The following ELK3 variants were observed in gnomAD, a reference collection of about 807,000 sequenced individuals.
ELK3 encodes ETS transcription factor ELK3, also known as ETS domain-containing protein Elk-3.
A neutral mutation model predicts 28.9 loss-of-function variants in ELK3; 10 were observed. The ratio of observed to expected loss-of-function variants is 0.35; its 90% CI spans 0.21 to 0.59. ELK3 has a LOEUF of 0.59. Ranked by LOEUF, ELK3 falls within the 20% of genes least tolerant of loss-of-function variation. The pLI is 0.82. For missense variants in ELK3, 463 were observed against 517.3 expected, an observed-to-expected ratio of 0.90 and a Z score of 1.02; for synonymous variants, 272 against 243.5, an observed-to-expected ratio of 1.12 and a Z score of -1.09.
At chr12:96,232,822 G>T (rs749391276) in intron 2 of ELK3, among the ~76,000 whole-genome samples, 21 of 151,622 alleles carry the variant, frequency 1.4e-4, no homozygotes, top group Non-Finnish European at 2.4e-4. Context: ...CAAAAAATTA[G>T]CTGGGCATGG....
intron 2 of ELK3, among the ~76,000 whole-genome samples, chr12:96,232,597 T>TA (rs1238402609): frequency 8.8e-5 from 7 of 79,802 alleles, no homozygotes; most frequent in East Asian, 3.2e-4. Context: ...AAAAATACAT[T>TA]AAAAAAAAAG....
chr12:96,210,559 G>GCACACACACACACA (rs199706864), intron 1 of ELK3, among the ~76,000 whole-genome samples: 19 of 143,158 alleles, frequency 1.3e-4, no homozygotes, highest in Admixed American at 2.7e-4. Context: ...CTGCGCGCGG[G>GCACACACACACACA]CGCACGCACA....
intron 2 of ELK3, among the ~76,000 whole-genome samples, chr12:96,235,396 C>T (rs1044000343): frequency 2.6e-5 from 4 of 152,074 alleles, no homozygotes; most frequent in African/African-American, 4.8e-5. Flanking sequence ...GTCTCCCTTA[C>T]GGGGCCGCAT....
chr12:96,243,437 A>G (rs991298324), intron 2 of ELK3, among the ~76,000 whole-genome samples: 23 of 152,216 alleles, frequency 1.5e-4, no homozygotes, highest in African/African-American at 5.3e-4. Context: ...ATCATAGAAT[A>G]GAATATTCTA....
intron 3 of ELK3, among the ~76,000 whole-genome samples, chr12:96,253,001 C>T (rs539155291): frequency 3.9e-5 from 6 of 152,244 alleles, no homozygotes; most frequent in Non-Finnish European, 7.3e-5. Flanking sequence ...TGGCTCACGC[C>T]TGTAATCGCA....
intron 4 of ELK3, among the ~76,000 whole-genome samples, chr12:96,265,522 C>CCAAA (rs903924798): frequency 1.8e-4 from 28 of 152,110 alleles, no homozygotes; most frequent in African/African-American, 6.5e-4. Flanking sequence ...CTCGTATTTA[C>CCAAA]CAAACATACA....
In ELK3 at chr12:96,194,570, A is replaced by C. The variant is rs1951447476; in HGVS notation, c.-138A>C. 6.7e-6 allele frequency: 1 copy of C among 149,728 alleles called. No homozygotes were observed. Among genetic ancestry groups the C allele is most frequent in the African/African-American group, 2.4e-5 (1 of 41,036 alleles). The allele number at this position is 149,728 out of a possible 1,614,324, so 9.3% of individuals were successfully genotyped here. A position where few individuals can be genotyped will look rare whatever the true frequency, so the allele number is the denominator to read the frequency against. ...AAAAAAAAAGAGGAGCGAGAGAAAGAAAAAAAGGGGGAAAAATCAGGATCT... is the reference window on the plus strand; with the variant it reads ...AAAAAAAAAGAGGAGCGAGAGAAAGCAAAAAAGGGGGAAAAATCAGGATCT... On this transcript the variant is annotated 5_prime_UTR_variant, in exon 1 of 5. Coordinates refer to ENST00000228741, the MANE Select transcript of ELK3 (RefSeq NM_005230.4).
chr12:96,206,904 G>A (rs1232090828), intron 1 of ELK3, among the ~76,000 whole-genome samples: 1 of 152,174 alleles, frequency 6.6e-6, no homozygotes, highest in African/African-American at 2.4e-5. Flanking sequence ...TGAACGGTTG[G>A]TCTGCCCCTC....
chr12:96,233,890 GTGTTT>G (rs1951761170), intron 2 of ELK3, among the ~76,000 whole-genome samples: 1 of 152,208 alleles, frequency 6.6e-6, no homozygotes, highest in Non-Finnish European at 1.5e-5. Context: ...AGGGCCTGGT[GTGTTT>G]TGTTAAGTGT....
Position 96,238,226 on chromosome 12 carries a change from A to G in ELK3, c.208-8714A>G, listed in dbSNP as rs570819190. On this transcript the variant is annotated intron_variant, in intron 2 of 4. Transcript: ENST00000228741. ...CATGCTAAGCAAGATTCACTGGGTG[A>G]GGGTCATGTTGTAAGGACCTGTGTG... 1.1e-3 allele frequency among the ~76,000 whole-genome samples: 172 copies of G among 152,250 alleles called. 1 individual carries two copies. The highest frequency in any genetic ancestry group is 2.1e-3 in the Non-Finnish European group (146 of 68,044).
chr12:96,220,059 C>T (rs1789203064), intron 1 of ELK3, among the ~76,000 whole-genome samples: 1 of 152,126 alleles, frequency 6.6e-6, no homozygotes. Flanking sequence ...CAGCTGCCAC[C>T]CAAGCTCTGC....
At chr12:96,212,708 G>A (rs1167195500) in intron 1 of ELK3, 1 of 152,124 alleles carries the variant, frequency 6.6e-6, no homozygotes, top group African/African-American at 2.4e-5. Context: ...TAAAATTTTT[G>A]TCTGATGTTT....
At chr12:96,242,893 C>T (rs1951831206) in intron 2 of ELK3, among the ~76,000 whole-genome samples, 1 of 152,188 alleles carries the variant, frequency 6.6e-6, no homozygotes, top group Non-Finnish European at 1.5e-5. Flanking sequence ...CGGTTCTTTC[C>T]AATGGCTGTC....
At chr12:96,223,941 A>G in intron 2 of ELK3, 168 bp downstream of exon 2, 1 of 685,158 alleles carries the variant, frequency 1.5e-6, no homozygotes, top group South Asian at 1.9e-5. Flanking sequence ...GATTTTCCCC[A>G]CCCTCTGGAC....
chr12:96,254,993 A>G (rs2137038748), intron 3 of ELK3, among the ~76,000 whole-genome samples: 1 of 152,252 alleles, frequency 6.6e-6, no homozygotes, highest in Non-Finnish European at 1.5e-5. Flanking sequence ...GACAGTCTGA[A>G]TTGTTTTAGG....
intron 1 of ELK3, among the ~76,000 whole-genome samples, chr12:96,210,597 A>ACCCACCCC (rs1951571807): frequency 6.7e-6 from 1 of 148,958 alleles, no homozygotes. Context: ...ACACACACAC[A>ACCCACCCC]CCCCGAGTGG....
At chr12:96,244,130 AT>A (rs796315682) in intron 2 of ELK3, among the ~76,000 whole-genome samples, 8 of 152,146 alleles carry the variant, frequency 5.3e-5, no homozygotes, top group African/African-American at 1.7e-4. Flanking sequence ...GTAATTCATT[AT>A]TCCTCAAATA....
chr12:96,206,061 C>T (rs60750560), intron 1 of ELK3, among the ~76,000 whole-genome samples: 1,959 of 152,292 alleles, frequency 0.013, 33 homozygotes, highest in African/African-American at 0.043. Context: ...GGGGTCACGG[C>T]TCTCAAATAA....
chr12:96,225,923 A>C (rs1951695966), intron 2 of ELK3, among the ~76,000 whole-genome samples: 1 of 152,160 alleles, frequency 6.6e-6, no homozygotes, highest in Non-Finnish European at 1.5e-5. Flanking sequence ...ACTTGAGTCC[A>C]GGAGTCTGAG....
Sources: allele counts gnomAD v4.1 joint callset (sites outside exome capture counted in the v4.1 genomes callset), GRCh38; gene constraint gnomAD v4.1.1; transcripts MANE v1.5; gene names NCBI Gene and HGNC (gene_info 2026-07-23, HGNC 2026-07-21).